The following ZNF618 variants were observed in gnomAD, a reference collection of about 807,000 sequenced individuals.
The protein encoded by ZNF618 is zinc finger protein 618.
Under a neutral mutation model 103.0 loss-of-function variants are expected in ZNF618, and 34 were observed. The observed-to-expected ratio is 0.33, with a 90% CI of 0.25 to 0.44. ZNF618 has a LOEUF of 0.44. Among genes scored for constraint, ZNF618 ranks in the 20% least tolerant of loss-of-function variants. ZNF618 has a pLI of 1.00. For synonymous variants in ZNF618, 551 were observed against 542.2 expected (o/e 1.02, Z -0.23); for missense variants, 1,059 against 1,295.4 (o/e 0.82, Z 2.80).
intron 2 of ZNF618, among the ~76,000 whole-genome samples, chr9:113,979,159 A>C (rs10513224): frequency 0.33 from 50,091 of 152,018 alleles, 8,847 homozygotes; most frequent in East Asian, 0.65. Flanking sequence ...GCAGATTTGG[A>C]GTTCTAACAG....
Position 114,053,872 on chromosome 9 carries a change from C to T in ZNF618, c.*3705C>T, listed in dbSNP as rs983094178. ...TGCACAGAGGCCACCTGCCGCATCA[C>T]CAGTGAGGAAGCTTTGCCACCATCC... On this transcript the variant is annotated 3_prime_UTR_variant, in exon 15 of 15. Transcript: ENST00000374126. 1 of 152,248 alleles carries T rather than the reference C, an allele frequency of 6.6e-6. No individual in the cohort carries two copies. Among genetic ancestry groups the T allele is most frequent in the Non-Finnish European group, 1.5e-5 (1 of 68,074 alleles). 9.4% of individuals were successfully genotyped at this position (152,248 alleles called of 1,614,324 possible).
intron 1 of ZNF618, among the ~76,000 whole-genome samples, chr9:113,911,133 C>A (rs1315542210): frequency 6.6e-6 from 1 of 152,068 alleles, no homozygotes; most frequent in Non-Finnish European, 1.5e-5. Flanking sequence ...CGCGCCCGGC[C>A]TGAAACTTTC....
At position 114,049,371 on chromosome 9, in the gene ZNF618, C is replaced by T; in HGVS notation, c.2069C>T (p.Pro690Leu). ...TTCGGGTCGCTGGAGGAGACGTCTC[C>T]ACCACCCTGCTGGAACTCGGTGACG... The part of the protein sequence containing the change: ...ETFGSLEETS[P>L]PPCWNSVTDS... The change falls in exon 15 of 15, where the codon CCA becomes CTA. Residue 690 changes from proline (P) to leucine (L), a missense_variant. Transcript: ENST00000374126. The T allele has an allele frequency of 6.2e-7, 1 of 1,606,810 alleles. No homozygotes were observed. Among genetic ancestry groups the T allele is most frequent in the Non-Finnish European group, 8.5e-7 (1 of 1,177,084 alleles).
chr9:113,930,173 C>G (rs954761801), intron 1 of ZNF618, among the ~76,000 whole-genome samples: 1 of 152,132 alleles, frequency 6.6e-6, no homozygotes, highest in Non-Finnish European at 1.5e-5. Flanking sequence ...GAAATTGCCT[C>G]GCTTCTGGAA....
Position 114,049,722 on chromosome 9 carries a change from T to C in ZNF618, c.2420T>C (p.Ile807Thr). The C allele has an allele frequency of 6.2e-7, 1 of 1,613,798 alleles. No homozygotes were observed. Among genetic ancestry groups the C allele is most frequent in the Non-Finnish European group, 8.5e-7 (1 of 1,179,888 alleles). ...KVHPAHKVAMILDPQQKLRPV... is the reference protein window; with the variant it reads ...KVHPAHKVAMTLDPQQKLRPV... ...CACCCGGCCCACAAGGTGGCCATGA[T>C]CCTGGACCCGCAGCAGAAGCTGCGG... is the stretch of plus-strand genomic sequence containing the variant. The change falls in exon 15 of 15, where the codon ATC becomes ACC. Residue 807 changes from isoleucine (I) to threonine (T), a missense_variant. Transcript: ENST00000374126.
In ZNF618 at chr9:113,991,777, C is replaced by T. The variant is rs569461284; in HGVS notation, c.337+3197C>T. Among the ~76,000 whole-genome samples, 8 of 152,312 alleles carry T rather than the reference C, an allele frequency of 5.3e-5. No homozygotes were observed. In the East Asian group the frequency reaches 1.4e-3, roughly 26 times the overall value. On this transcript the variant is annotated intron_variant, in intron 3 of 14. Transcript: ENST00000374126. ...CTGGACCTTGGTGTTCCTTCTAGTA[C>T]TGCTTCCCTCCAATTCAGGGACTTT...
intron 1 of ZNF618, among the ~76,000 whole-genome samples, chr9:113,926,152 GTT>G (rs1279501488): frequency 7.1e-6 from 1 of 140,510 alleles, no homozygotes; most frequent in African/African-American, 2.7e-5. Context: ...GGTTGGTGTT[GTT>G]TTTTTTTTTT....
In ZNF618 at chr9:114,020,462, C is replaced by T. The variant is rs139689381; in HGVS notation, c.844+3678C>T. ...AATCCATGAACATGGTATATTTCCC[C>T]AAGTATTTAGGGCTTGTTTAGTTTC... On this transcript the variant is annotated intron_variant, in intron 10 of 14. Transcript: ENST00000374126. 3.1e-4 allele frequency among the ~76,000 whole-genome samples: 47 copies of T among 152,134 alleles called. 1 individual carries two copies. The East Asian group carries it at 7.9e-3, about 26-fold the overall frequency.
chr9:113,970,415 C>T (rs1267469513), intron 2 of ZNF618, among the ~76,000 whole-genome samples: 2 of 152,026 alleles, frequency 1.3e-5, no homozygotes, highest in Admixed American at 6.5e-5. Context: ...TATACCAGGC[C>T]GGAGGTCTCT....
intron 1 of ZNF618, among the ~76,000 whole-genome samples, chr9:113,900,411 G>T (rs1830413369): frequency 6.6e-6 from 1 of 152,152 alleles, no homozygotes; most frequent in African/African-American, 2.4e-5. Context: ...TTTTTGCACA[G>T]TAGTTAACCT....
chr9:113,886,971 CTTTTT>C (rs57000343), intron 1 of ZNF618, among the ~76,000 whole-genome samples: 3,365 of 109,292 alleles, frequency 0.031, 258 homozygotes, highest in East Asian at 0.22. Context: ...TTACTTTCTA[CTTTTT>C]TTTTTTTTTT....
chr9:114,046,074 C>T (rs1447711786), intron 13 of ZNF618, among the ~76,000 whole-genome samples: 1 of 152,024 alleles, frequency 6.6e-6, no homozygotes, highest in African/African-American at 2.4e-5. Flanking sequence ...ATCTTGTATC[C>T]TGCACCCTCG....
chr9:113,971,229 G>T (rs917777269), intron 2 of ZNF618, among the ~76,000 whole-genome samples: 2 of 152,020 alleles, frequency 1.3e-5, no homozygotes, highest in Admixed American at 1.3e-4. Flanking sequence ...ACTGAAAGGG[G>T]CATTAAGTTT....
rs1839497800 is a variant in ZNF618, at chr9:113,986,536, G to A, written c.78-1785G>A. On this transcript the variant is annotated intron_variant, in intron 2 of 14. Transcript: ENST00000374126. Reference sequence around the variant, plus strand: ...TGGTGAGGGCTGCCTCCTGGCTGTAGAGGGTCGCCCTGTCACTGTGTCCTC... The same window carrying A: ...TGGTGAGGGCTGCCTCCTGGCTGTAAAGGGTCGCCCTGTCACTGTGTCCTC... 2.0e-5 allele frequency among the ~76,000 whole-genome samples: 3 copies of A among 152,202 alleles called. No individual in the cohort carries two copies. In the South Asian group the frequency reaches 6.2e-4, roughly 32 times the overall value.
In ZNF618 at chr9:114,036,488, A is replaced by G. The variant is rs540752297; in HGVS notation, c.1246+111A>G. 1.6e-4 allele frequency: 181 copies of G among 1,160,580 alleles called. 5 individuals carry two copies. The South Asian group carries it at 2.4e-3, about 16-fold the overall frequency. 71.9% of individuals were successfully genotyped at this position (1,160,580 alleles called of 1,614,324 possible). ...GGAGAAGGCCGCTCTTTCCTGGAAA[A>G]TGGTCACAGGACATGGAACCTGCTT... On this transcript the variant is annotated intron_variant, in intron 13 of 14. Transcript: ENST00000374126.
intron 1 of ZNF618, among the ~76,000 whole-genome samples, chr9:113,903,522 C>T (rs1257496824): frequency 6.6e-6 from 1 of 151,708 alleles, no homozygotes; most frequent in East Asian, 1.9e-4. Context: ...AAGCATCTAT[C>T]ATAGTTTATG....
intron 1 of ZNF618, among the ~76,000 whole-genome samples, chr9:113,918,160 AT>A (rs1233053673): frequency 1.3e-5 from 2 of 152,196 alleles, no homozygotes; most frequent in Non-Finnish European, 2.9e-5. Context: ...TTTGTGAGAC[AT>A]TTGTAGGATG....
At chr9:113,911,124 G>A (rs1043697222) in intron 1 of ZNF618, among the ~76,000 whole-genome samples, 2 of 152,112 alleles carry the variant, frequency 1.3e-5, no homozygotes, top group Non-Finnish European at 1.5e-5. Flanking sequence ...GTGAGCCACC[G>A]CGCCCGGCCT....
intron 13 of ZNF618, among the ~76,000 whole-genome samples, chr9:114,042,141 TA>T (rs765418646): frequency 2.6e-5 from 4 of 152,176 alleles, no homozygotes; most frequent in Non-Finnish European, 5.9e-5. Context: ...TCTATGAAAA[TA>T]AATGCATTCT....
Sources: gnomAD v4.1 joint callset for allele counts (sites outside exome capture counted in the v4.1 genomes callset) on GRCh38, gnomAD v4.1.1 for gene constraint, MANE v1.5 for transcripts, NCBI Gene and HGNC (gene_info 2026-07-23, HGNC 2026-07-21) for gene names.